Variants in SPAM1 observed in about 807,000 individuals in gnomAD.
The protein encoded by SPAM1 is hyaluronidase PH-20.
Under a neutral mutation model 29.6 loss-of-function variants are expected in SPAM1, and 22 were observed. That is an observed-to-expected ratio of 0.74 (90% confidence interval 0.53 to 1.06). The LOEUF (loss-of-function observed/expected upper bound fraction) is 1.06. SPAM1 is among the 50% of genes least tolerant of loss of function. SPAM1 has a pLI of 0.00. For synonymous variants in SPAM1, 194 were observed against 204.6 expected, an observed-to-expected ratio of 0.95 and a Z score of 0.44; for missense variants, 534 against 604.0, an observed-to-expected ratio of 0.88 and a Z score of 1.21.
intron 1 of SPAM1, among the ~76,000 whole-genome samples, chr7:123,937,835 G>A (rs553624218): frequency 6.6e-6 from 1 of 152,192 alleles, no homozygotes; most frequent in African/African-American, 2.4e-5. Flanking sequence ...TGTTTCATCA[G>A]CTTCCACCTC....
chr7:123,953,874 A>C lies in SPAM1; in HGVS notation c.304A>C (p.Ile102Leu). The change falls in exon 3 of 5, where the codon ATA becomes CTA. Residue 102 changes from isoleucine (I) to leucine (L), a missense_variant. Physicochemically the swap from Ile to Leu is conservative, Grantham distance 5. Coordinates refer to ENST00000682466, the MANE Select transcript of SPAM1 (RefSeq NM_153189.3). ...TGATAGACTTGGCTACTATCCTTAC[A>C]TAGATTCAATCACAGGAGTAACTGT... Reference protein sequence around the residue: ...YVDRLGYYPYIDSITGVTVNG... With the variant: ...YVDRLGYYPYLDSITGVTVNG... 3 of 1,613,766 alleles carry C rather than the reference A, an allele frequency of 1.9e-6. No individual in the cohort carries two copies. The highest frequency in any genetic ancestry group is 2.5e-6 in the Non-Finnish European group (3 of 1,179,810).
At chr7:123,933,057 T>C (rs77215346) in intron 1 of SPAM1, among the ~76,000 whole-genome samples, 3 of 151,976 alleles carry the variant, frequency 2.0e-5, no homozygotes, top group African/African-American at 7.2e-5. Context: ...ATTTTATTTT[T>C]TTTTTTTTAA....
intron 1 of SPAM1, among the ~76,000 whole-genome samples, chr7:123,927,051 G>A (rs1330109485): frequency 6.6e-6 from 1 of 152,090 alleles, no homozygotes; most frequent in Non-Finnish European, 1.5e-5. Flanking sequence ...ATAGATCTTG[G>A]GGTTAAATAT....
intron 4 of SPAM1, among the ~76,000 whole-genome samples, 183 bp downstream of exon 4, chr7:123,955,269 C>CT (rs1792224848): frequency 6.6e-6 from 1 of 151,754 alleles, no homozygotes; most frequent in African/African-American, 2.4e-5. Flanking sequence ...AATAGTATAC[C>CT]CATTTTCCAG....
At chr7:123,941,205 C>G (rs565628422) in intron 1 of SPAM1, among the ~76,000 whole-genome samples, 1 of 152,300 alleles carries the variant, frequency 6.6e-6, no homozygotes, top group Admixed American at 6.5e-5. Context: ...AGACAGGTCT[C>G]AAAACATTTA....
intron 1 of SPAM1, among the ~76,000 whole-genome samples, chr7:123,931,705 G>T (rs1286080040): frequency 6.6e-6 from 1 of 151,982 alleles, no homozygotes; most frequent in East Asian, 1.9e-4. Flanking sequence ...TTTTCCAATT[G>T]ATTTTTCAGC....
chr7:123,953,752 T>C lies in SPAM1; in HGVS notation c.182T>C (p.Leu61Pro), dbSNP rs749210530. Residue 61 changes from leucine to proline, a missense_variant, in exon 3 of 5, where the codon CTT (leucine) becomes CCT (proline). Leu to Pro is a moderately conservative substitution (Grantham distance 98). Coordinates refer to ENST00000682466, the MANE Select transcript of SPAM1 (RefSeq NM_153189.3). ...TGGAATGCCCCAAGTGAATTTTGTC[T>C]TGGAAAATTTGATGAGCCACTAGAT... ...WAWNAPSEFC[L>P]GKFDEPLDMS... 1.2e-6 allele frequency: 2 copies of C among 1,612,836 alleles called. No homozygotes were observed. The highest frequency in any genetic ancestry group is 2.2e-5 in the East Asian group (1 of 44,838).
At chr7:123,929,498 C>G (rs1808000373) in intron 1 of SPAM1, among the ~76,000 whole-genome samples, 1 of 152,030 alleles carries the variant, frequency 6.6e-6, no homozygotes, top group Non-Finnish European at 1.5e-5. Context: ...ACTAACTTTT[C>G]TAACTTCTCT....
chr7:123,966,088 C>G (rs746081121), intron 5 of SPAM1, among the ~76,000 whole-genome samples: 1 of 151,892 alleles, frequency 6.6e-6, no homozygotes, highest in Non-Finnish European at 1.5e-5. Context: ...AAACAAACAA[C>G]CCCATTAAGA....
intron 2 of SPAM1, among the ~76,000 whole-genome samples, 199 bp downstream of exon 2, chr7:123,950,182 C>T (rs539984849): frequency 2.3e-4 from 35 of 152,016 alleles, no homozygotes; most frequent in African/African-American, 5.3e-4. Context: ...TAAGATTTTC[C>T]GGGAGGATAA....
chr7:123,935,623 G>T (rs891829308), intron 1 of SPAM1, among the ~76,000 whole-genome samples: 3 of 152,190 alleles, frequency 2.0e-5, no homozygotes, highest in African/African-American at 7.2e-5. Flanking sequence ...AGATTAAAGA[G>T]ATTAAGTAAC....
chr7:123,949,898 A>G lies in SPAM1; in HGVS notation c.-292A>G, dbSNP rs1563027514. 1 of 150,672 alleles carries G rather than the reference A, an allele frequency of 6.6e-6. No individual in the cohort carries two copies. The highest frequency in any genetic ancestry group is 1.5e-5 in the Non-Finnish European group (1 of 67,772). 9.3% of individuals were successfully genotyped at this position (150,672 alleles called of 1,614,324 possible). ...GATGCTAATGACTAGCCAATGCTCT[A>G]GGAAGACATTGAGACCAGCCAACTT... On this transcript the variant is annotated 5_prime_UTR_variant, in exon 2 of 5. An upstream open reading frame in the 5' UTR loses its in-frame stop. Coordinates refer to ENST00000682466, the MANE Select transcript of SPAM1 (RefSeq NM_153189.3).
intron 5 of SPAM1, among the ~76,000 whole-genome samples, chr7:123,965,082 A>T (rs185034945): frequency 7.2e-4 from 110 of 152,128 alleles, no homozygotes; most frequent in Non-Finnish European, 1.3e-3. Flanking sequence ...TCCAGTTGAA[A>T]TAACTACACC....
intron 5 of SPAM1, among the ~76,000 whole-genome samples, chr7:123,967,296 A>G (rs1792437705): frequency 2.0e-5 from 3 of 152,102 alleles, no homozygotes; most frequent in Admixed American, 1.3e-4. Context: ...TAAATCTGGT[A>G]TTACAATGCT....
rs768838553 is a variant in SPAM1, at chr7:123,955,078, C to T, written c.1036C>T (p.Arg346Ter). 4.0e-5 allele frequency: 64 copies of T among 1,604,378 alleles called. No individual in the cohort carries two copies. Among genetic ancestry groups the T allele is most frequent in the Non-Finnish European group, 5.0e-5 (59 of 1,172,186 alleles). The stretch of plus-strand genomic sequence containing the variant: ...AATATGGGGAACCCTCAGTATAATG[C>T]GAAGTATGGTAAGTTGAATTGGTAG... Reference protein sequence around the residue: ...IVIWGTLSIMRSMKSCLLLDN... With the variant: ...IVIWGTLSIM The change falls in exon 4 of 5, where the codon CGA (arginine) becomes TGA (stop). Residue 346 changes from arginine (R) to a stop codon, truncating the protein, a stop_gained. Transcript: ENST00000682466. LOFTEE classifies it low-confidence loss of function (END_TRUNC).
chr7:123,958,834 GA>G (rs72213692), intron 4 of SPAM1, among the ~76,000 whole-genome samples: 1,531 of 140,886 alleles, frequency 0.011, 20 homozygotes, highest in African/African-American at 0.035. Flanking sequence ...TTTGTCTCAG[GA>G]AAAAAAAAAA....
At chr7:123,952,294 G>C (rs1226804944) in intron 2 of SPAM1, among the ~76,000 whole-genome samples, 5 of 152,020 alleles carry the variant, frequency 3.3e-5, no homozygotes, top group Non-Finnish European at 7.4e-5. Flanking sequence ...TCTCTTTAGA[G>C]TCATTTATTT....
intron 1 of SPAM1, among the ~76,000 whole-genome samples, chr7:123,936,939 T>C (rs1389522952): frequency 6.6e-6 from 1 of 152,206 alleles, no homozygotes; most frequent in Non-Finnish European, 1.5e-5. Flanking sequence ...TGAATTTTGC[T>C]ATGTATAACT....
chr7:123,955,898 A>C (rs531686810), intron 4 of SPAM1, among the ~76,000 whole-genome samples: 1 of 152,132 alleles, frequency 6.6e-6, no homozygotes, highest in East Asian at 1.9e-4. Context: ...TCATTGTAAA[A>C]TGATAATTTT....
Sources: gnomAD v4.1 joint callset for allele counts (sites outside exome capture counted in the v4.1 genomes callset) on GRCh38, gnomAD v4.1.1 for gene constraint, MANE v1.5 for transcripts, NCBI Gene and HGNC (gene_info 2026-07-23, HGNC 2026-07-21) for gene names.